Variants in NCAM2 observed in about 807,000 individuals in gnomAD.
The protein encoded by NCAM2 is N-CAM-2.
In NCAM2, 30 loss-of-function variants were observed where a neutral mutation model predicts 98.1. That is an observed-to-expected ratio of 0.31 (90% CI 0.23 to 0.41). NCAM2 has a LOEUF of 0.41. NCAM2 is among the 10% of genes least tolerant of loss of function. NCAM2 has a pLI of 1.00. For synonymous variants in NCAM2, 368 were observed against 342.4 expected, an observed-to-expected ratio of 1.07 and a Z score of -0.83; for missense variants, 867 against 1,005.8, an observed-to-expected ratio of 0.86 and a Z score of 1.87.
chr21:21,113,206 A>G (rs556522447), intron 1 of NCAM2, among the ~76,000 whole-genome samples: 1 of 152,294 alleles, frequency 6.6e-6, no homozygotes, highest in African/African-American at 2.4e-5. Flanking sequence ...CGATTTTTCA[A>G]CTTCTTGACC....
chr21:21,493,239 C>G (rs1344560808), intron 15 of NCAM2, among the ~76,000 whole-genome samples: 1 of 151,908 alleles, frequency 6.6e-6, no homozygotes, highest in African/African-American at 2.4e-5. Context: ...ATATGTGTTA[C>G]TCCTCACTTA....
At chr21:21,099,280 CTGG>C (rs2066189088) in intron 1 of NCAM2, among the ~76,000 whole-genome samples, 2 of 151,874 alleles carry the variant, frequency 1.3e-5, no homozygotes, top group Admixed American at 6.6e-5. Flanking sequence ...TTGGTGTCAC[CTGG>C]CTCAGGCAAG....
At chr21:21,402,135 AC>A (rs903414719) in intron 9 of NCAM2, among the ~76,000 whole-genome samples, 2 of 152,200 alleles carry the variant, frequency 1.3e-5, no homozygotes, top group Non-Finnish European at 2.9e-5. Flanking sequence ...ATTTTAGGGA[AC>A]AAGGGAAGAC....
chr21:21,310,824 C>T (rs1199169990), intron 5 of NCAM2, among the ~76,000 whole-genome samples: 2 of 152,094 alleles, frequency 1.3e-5, no homozygotes, highest in Non-Finnish European at 2.9e-5. Flanking sequence ...CCTTTATAGT[C>T]ACTTCCTCTT....
At chr21:21,267,295 T>A (rs2072319979) in intron 1 of NCAM2, among the ~76,000 whole-genome samples, 1 of 152,212 alleles carries the variant, frequency 6.6e-6, no homozygotes, top group South Asian at 2.1e-4. Flanking sequence ...TAGTACACAA[T>A]GTTCTTCAAA....
intron 1 of NCAM2, among the ~76,000 whole-genome samples, chr21:21,028,114 C>T (rs1166283268): frequency 2.0e-5 from 3 of 152,132 alleles, no homozygotes; most frequent in East Asian, 1.9e-4. Flanking sequence ...CTGCCCGCCT[C>T]GGCCTCCCAA....
intron 1 of NCAM2, among the ~76,000 whole-genome samples, chr21:21,151,993 G>T (rs2067462771): frequency 1.3e-5 from 2 of 151,726 alleles, no homozygotes; most frequent in South Asian, 2.1e-4. Flanking sequence ...GAATTTGTGG[G>T]TTTGTATTGC....
At chr21:21,091,725 A>G (rs553661207) in intron 1 of NCAM2, among the ~76,000 whole-genome samples, 22 of 152,308 alleles carry the variant, frequency 1.4e-4, no homozygotes, top group African/African-American at 4.6e-4. Context: ...AATACTTTCA[A>G]GTATACTAAT....
chr21:21,341,428 A>G (rs1445509306), intron 8 of NCAM2, among the ~76,000 whole-genome samples: 1 of 152,148 alleles, frequency 6.6e-6, no homozygotes, highest in Non-Finnish European at 1.5e-5. Context: ...TAAGGATGAA[A>G]ATTAACAGCT....
intron 14 of NCAM2, among the ~76,000 whole-genome samples, chr21:21,475,491 AG>A (rs780612226): frequency 6.6e-6 from 1 of 152,164 alleles, no homozygotes; most frequent in African/African-American, 2.4e-5. Context: ...GTGAAGACAG[AG>A]GGTGTTGTGA....
chr21:21,120,600 G>A (rs1436050108), intron 1 of NCAM2, among the ~76,000 whole-genome samples: 1 of 152,046 alleles, frequency 6.6e-6, no homozygotes, highest in Admixed American at 6.6e-5. Context: ...AAAGGAGCCT[G>A]TTTGTTTTCA....
chr21:21,451,852 A>G (rs530924342), intron 12 of NCAM2, among the ~76,000 whole-genome samples: 3 of 152,258 alleles, frequency 2.0e-5, no homozygotes, highest in South Asian at 2.1e-4. Context: ...ACAGAAACAC[A>G]TAGCAAAAAA....
chr21:21,413,191 T>C (rs993809150), intron 10 of NCAM2, among the ~76,000 whole-genome samples: 3 of 152,182 alleles, frequency 2.0e-5, no homozygotes, highest in Non-Finnish European at 2.9e-5. Context: ...AACTTTTCAA[T>C]ATGTGGGCAA....
intron 1 of NCAM2, among the ~76,000 whole-genome samples, chr21:21,070,518 T>C (rs940828316): frequency 3.3e-5 from 5 of 151,564 alleles, no homozygotes; most frequent in South Asian, 2.1e-4. Flanking sequence ...GGGGGTGAAA[T>C]GAAGGCAAGA....
intron 1 of NCAM2, among the ~76,000 whole-genome samples, chr21:21,152,022 T>G (rs571980257): frequency 5.9e-5 from 9 of 152,106 alleles, no homozygotes; most frequent in Admixed American, 5.9e-4. Flanking sequence ...ATGTGGAAAT[T>G]TTCCACTATA....
At chr21:21,021,899 A>G (rs113046347) in intron 1 of NCAM2, among the ~76,000 whole-genome samples, 1,656 of 152,238 alleles carry the variant, frequency 0.011, 30 homozygotes, top group African/African-American at 0.037. Context: ...CTTTTTATAC[A>G]CAGAAGTTTT....
intron 1 of NCAM2, among the ~76,000 whole-genome samples, chr21:21,248,603 C>T (rs1181814967): frequency 1.3e-5 from 2 of 151,452 alleles, no homozygotes; most frequent in African/African-American, 4.9e-5. Context: ...AGTGAAACCC[C>T]GTCTTTACTA....
intron 8 of NCAM2, among the ~76,000 whole-genome samples, chr21:21,343,767 C>G (rs771006674): frequency 5.9e-5 from 9 of 152,174 alleles, no homozygotes; most frequent in Non-Finnish European, 8.8e-5. Context: ...CCAAAGTGCT[C>G]TGTGTCTCCC....
intron 1 of NCAM2, among the ~76,000 whole-genome samples, chr21:21,079,855 G>C (rs559579243): frequency 1.3e-5 from 2 of 152,234 alleles, no homozygotes; most frequent in African/African-American, 4.8e-5. Flanking sequence ...CAAATACTCA[G>C]TGCTATAACT....
Sources: gnomAD v4.1 joint callset for allele counts (sites outside exome capture counted in the v4.1 genomes callset) on GRCh38, gnomAD v4.1.1 for gene constraint, MANE v1.5 for transcripts, NCBI Gene and HGNC (gene_info 2026-07-23, HGNC 2026-07-21) for gene names.